Variants in SLCO6A1 observed in about 807,000 individuals in gnomAD.
SLCO6A1 encodes the protein solute carrier organic anion transporter family member 6A1.
In SLCO6A1, 65 loss-of-function variants were observed where a neutral mutation model predicts 72.7. That is an observed-to-expected ratio of 0.89 (90% confidence interval 0.73 to 1.10). The LOEUF (loss-of-function observed/expected upper bound fraction) is 1.10. Ranked by LOEUF, SLCO6A1 falls within the 50% of genes least tolerant of loss-of-function variation. The probability of loss-of-function intolerance (pLI) is 0.00; values close to 1 mark genes in which losing one functional copy is unlikely to be tolerated. For synonymous variants in SLCO6A1, 314 were observed against 298.2 expected, an observed-to-expected ratio of 1.05 and a Z score of -0.55; for missense variants, 874 against 872.6, an observed-to-expected ratio of 1.00 and a Z score of -0.02.
At chr5:102,414,880 A>C (rs1221545597) in intron 8 of SLCO6A1, among the ~76,000 whole-genome samples, 3 of 151,698 alleles carry the variant, frequency 2.0e-5, no homozygotes, top group African/African-American at 7.3e-5. Context: ...GGGCAAAAAG[A>C]GTGAAACTCC....
In SLCO6A1 at chr5:102,415,973, C is replaced by T. The variant is rs527878485; in HGVS notation, c.1473-2830G>A. 3.1e-3 allele frequency among the ~76,000 whole-genome samples: 469 copies of T among 152,246 alleles called. 3 individuals are homozygous for T. The highest frequency in any genetic ancestry group is 0.011 in the African/African-American group (454 of 41,550). On this transcript the variant is annotated intron_variant, in intron 8 of 13. Transcript: ENST00000506729. ...ATGACAAATGCTCAACATCATTGATCATCAAACAAATGCAAATCCAAACCA... is the reference window on the plus strand; with the variant it reads ...ATGACAAATGCTCAACATCATTGATTATCAAACAAATGCAAATCCAAACCA...
At position 102,452,665 on chromosome 5, in the gene SLCO6A1, T is replaced by C. The variant is rs544581216; in HGVS notation, c.1131+5717A>G. 2.6e-4 allele frequency among the ~76,000 whole-genome samples: 39 copies of C among 152,326 alleles called. No individual in the cohort carries two copies. The Middle Eastern group carries it at 0.01, about 40-fold the overall frequency. ...TGGAAAAATGTTTTAAAAAACATAA[T>C]GACCTGCAAGAAACATGGTAAGAGT... On this transcript the variant is annotated intron_variant, in intron 6 of 13. Transcript: ENST00000506729.
intron 7 of SLCO6A1, among the ~76,000 whole-genome samples, chr5:102,437,676 C>A (rs1156420519): frequency 6.6e-6 from 1 of 152,096 alleles, no homozygotes; most frequent in Admixed American, 6.6e-5. Flanking sequence ...AAATGTACTC[C>A]ATAAAAGGTT....
At position 102,424,049 on chromosome 5, in the gene SLCO6A1, G is replaced by A. The variant is rs921985794; in HGVS notation, c.1277-4028C>T. Among the ~76,000 whole-genome samples the A allele has an allele frequency of 2.6e-5, 4 of 152,230 alleles. No individual in the cohort carries two copies. The South Asian group carries it at 6.2e-4, about 24-fold the overall frequency. On this transcript the variant is annotated intron_variant, in intron 7 of 13. Coordinates refer to ENST00000506729, the MANE Select transcript of SLCO6A1 (RefSeq NM_173488.5). The stretch of plus-strand genomic sequence containing the variant: ...CTGGGTAAATAATAAAATTAAGGCA[G>A]AAATAAATAAGTTCTTTAAAACCAA...
At chr5:102,382,407 G>A (rs1477595728) in intron 12 of SLCO6A1, among the ~76,000 whole-genome samples, 1 of 151,740 alleles carries the variant, frequency 6.6e-6, no homozygotes, top group Non-Finnish European at 1.5e-5. Context: ...GTTGAAATTA[G>A]ATAGGGTTAC....
At chr5:102,412,799 A>C (rs974564105) in intron 9 of SLCO6A1, among the ~76,000 whole-genome samples, 191 bp downstream of exon 9, 1 of 151,598 alleles carries the variant, frequency 6.6e-6, no homozygotes, top group Non-Finnish European at 1.5e-5. Flanking sequence ...AACAAATTTT[A>C]TTTTCTTGTC....
chr5:102,477,874 C>A lies in SLCO6A1; in HGVS notation c.617-13G>T. 1 of 1,583,292 alleles carries A rather than the reference C, an allele frequency of 6.3e-7. No individual in the cohort carries two copies. Among genetic ancestry groups the A allele is most frequent in the East Asian group, 2.3e-5 (1 of 44,398 alleles). ...TCTTCGCAAATATCTTTTGAAAATA[C>A]AATGATTATATTTTTGTTAATTGAA... On this transcript the variant is annotated splice_polypyrimidine_tract_variant and intron_variant, in intron 2 of 13. Transcript: ENST00000506729.
At chr5:102,393,009 C>T (rs1746853422) in intron 10 of SLCO6A1, among the ~76,000 whole-genome samples, 2 of 152,062 alleles carry the variant, frequency 1.3e-5, no homozygotes, top group African/African-American at 4.8e-5. Context: ...TTCAAAATGA[C>T]CTTTTTTTCT....
At chr5:102,430,281 T>C (rs1341150302) in intron 7 of SLCO6A1, among the ~76,000 whole-genome samples, 1 of 152,168 alleles carries the variant, frequency 6.6e-6, no homozygotes, top group Non-Finnish European at 1.5e-5. Context: ...TCTTTTTATG[T>C]AGATGCCCTT....
chr5:102,416,827 G>T (rs1748312048), intron 8 of SLCO6A1, among the ~76,000 whole-genome samples: 1 of 152,166 alleles, frequency 6.6e-6, no homozygotes, highest in African/African-American at 2.4e-5. Context: ...AATAGAATGT[G>T]TATTGTTATG....
At chr5:102,431,670 G>C (rs1165426456) in intron 7 of SLCO6A1, among the ~76,000 whole-genome samples, 2 of 152,144 alleles carry the variant, frequency 1.3e-5, no homozygotes, top group East Asian at 3.9e-4. Flanking sequence ...TGATTTTAGA[G>C]TATGTGCCAT....
At chr5:102,488,841 A>G (rs1392425495) in intron 1 of SLCO6A1, among the ~76,000 whole-genome samples, 2 of 152,252 alleles carry the variant, frequency 1.3e-5, no homozygotes, top group African/African-American at 4.8e-5. Context: ...CAAAAAATTG[A>G]TCATTTTTCA....
chr5:102,432,990 T>C (rs1749302027), intron 7 of SLCO6A1, among the ~76,000 whole-genome samples: 1 of 152,232 alleles, frequency 6.6e-6, no homozygotes, highest in Non-Finnish European at 1.5e-5. Context: ...TTCTCTTTCA[T>C]GTTTTCTTTC....
intron 4 of SLCO6A1, among the ~76,000 whole-genome samples, chr5:102,475,407 C>T (rs1157740360): frequency 6.6e-6 from 1 of 151,902 alleles, no homozygotes; most frequent in East Asian, 1.9e-4. Flanking sequence ...TCTCAGAAAA[C>T]AAAAGTAGAA....
chr5:102,494,328 G>A (rs1330989870), intron 1 of SLCO6A1, among the ~76,000 whole-genome samples: 3 of 152,120 alleles, frequency 2.0e-5, no homozygotes, highest in Admixed American at 6.5e-5. Context: ...AACACCTCTA[G>A]AAGAAAAGCA....
chr5:102,493,254 A>G (rs1053857903), intron 1 of SLCO6A1, among the ~76,000 whole-genome samples: 13 of 152,348 alleles, frequency 8.5e-5, no homozygotes, highest in African/African-American at 2.9e-4. Flanking sequence ...AATTTTTAAC[A>G]AAATTTTGGC....
At chr5:102,390,433 A>G (rs541016249) in intron 11 of SLCO6A1, among the ~76,000 whole-genome samples, 4 of 152,328 alleles carry the variant, frequency 2.6e-5, no homozygotes, top group African/African-American at 4.8e-5. Flanking sequence ...TATGCCTTTC[A>G]GTCTTTAATC....
intron 4 of SLCO6A1, among the ~76,000 whole-genome samples, chr5:102,469,191 C>A (rs1373956192): frequency 6.6e-6 from 1 of 151,564 alleles, no homozygotes; most frequent in Non-Finnish European, 1.5e-5. Context: ...TTTTCCAATT[C>A]TGTGAAGCAA....
intron 8 of SLCO6A1, among the ~76,000 whole-genome samples, chr5:102,415,486 T>C (rs1748232500): frequency 6.6e-6 from 1 of 152,126 alleles, no homozygotes; most frequent in Non-Finnish European, 1.5e-5. Context: ...TATATGATGC[T>C]GGGAAAATTG....
Sources: allele counts gnomAD v4.1 joint callset (sites outside exome capture counted in the v4.1 genomes callset), GRCh38; gene constraint gnomAD v4.1.1; transcripts MANE v1.5; gene names NCBI Gene and HGNC (gene_info 2026-07-23, HGNC 2026-07-21).